Variants in SYCP2L observed in about 807,000 individuals in gnomAD.
The protein encoded by SYCP2L is synaptonemal complex protein 2-like.
In SYCP2L, 98 loss-of-function variants were observed where a neutral mutation model predicts 125.8. That is an observed-to-expected ratio of 0.78 (90% confidence interval 0.66 to 0.92). SYCP2L has a LOEUF of 0.92. Ranked by LOEUF, SYCP2L falls within the 40% of genes least tolerant of loss-of-function variation. The pLI is 0.00. For synonymous variants in SYCP2L, 317 were observed against 325.4 expected (o/e 0.97, Z 0.28); for missense variants, 842 against 936.4 (o/e 0.90, Z 1.32).
In SYCP2L at chr6:10,927,338, G is replaced by A. The variant is rs748393779; in HGVS notation, c.1411G>A (p.Val471Ile). ...LHLNDQSEPP[V>I]IGEPASDSHL... ...CTTAAATGACCAATCTGAGCCACCT[G>A]TTATTGGGGAACCTGCCTCTGATAG... Residue 471 changes from valine to isoleucine, a missense_variant, in exon 17 of 30, where the codon GTT becomes ATT. Physicochemically the swap from Val to Ile is conservative, Grantham distance 29. Coordinates refer to ENST00000283141, the MANE Select transcript of SYCP2L (RefSeq NM_001040274.3). 40 of 1,613,804 alleles carry A rather than the reference G, an allele frequency of 2.5e-5. No individual in the cohort carries two copies. The highest frequency in any genetic ancestry group is 8.3e-5 in the Admixed American group (5 of 60,004).
At chr6:10,972,298 T>TA (rs1207783889) in intron 29 of SYCP2L, among the ~76,000 whole-genome samples, 1 of 152,070 alleles carries the variant, frequency 6.6e-6, no homozygotes, top group Non-Finnish European at 1.5e-5. Flanking sequence ...AAGAGGATAT[T>TA]AAAAAAAGAC....
chr6:10,966,524 C>T (rs1781680516), intron 29 of SYCP2L, among the ~76,000 whole-genome samples: 1 of 152,088 alleles, frequency 6.6e-6, no homozygotes, highest in Admixed American at 6.5e-5. Flanking sequence ...TCCATTCTGC[C>T]TAAATTAGTA....
rs962320205 is a variant in SYCP2L at position 10,904,970 on chromosome 6, C to T, written c.642-1050C>T. 2.5e-4 allele frequency among the ~76,000 whole-genome samples: 38 copies of T among 151,420 alleles called. 1 individual carries two copies. The highest frequency in any genetic ancestry group is 4.7e-4 in the Non-Finnish European group (32 of 67,884). On this transcript the variant is annotated intron_variant, in intron 8 of 29. Coordinates refer to ENST00000283141, the MANE Select transcript of SYCP2L (RefSeq NM_001040274.3). Reference sequence around the variant, plus strand: ...CAGCCTGACCAACATGGTGAAGCCCCGTCTCTCTTAAAAATACAAAACATT... The same window carrying T: ...CAGCCTGACCAACATGGTGAAGCCCTGTCTCTCTTAAAAATACAAAACATT...
chr6:10,943,620 C>G (rs973407501), intron 23 of SYCP2L, among the ~76,000 whole-genome samples: 2 of 152,144 alleles, frequency 1.3e-5, no homozygotes, highest in African/African-American at 4.8e-5. Flanking sequence ...TAGAAAATTG[C>G]CATTGGCTTA....
intron 28 of SYCP2L, among the ~76,000 whole-genome samples, chr6:10,962,302 C>CT (rs1467945422): frequency 3.5e-5 from 5 of 142,962 alleles, no homozygotes; most frequent in African/African-American, 1.3e-4. Flanking sequence ...GCATATATTC[C>CT]AAAGCAAAAA....
rs1165552749 is a variant in SYCP2L at position 10,955,163 on chromosome 6, G to C, written c.2002G>C (p.Glu668Gln). The C allele has an allele frequency of 1.9e-6, 3 of 1,613,704 alleles. No individual in the cohort carries two copies. The highest frequency in any genetic ancestry group is 2.5e-6 in the Non-Finnish European group (3 of 1,179,582). ...FAKSQQSRLEEEVAPGSPFSI... is the reference protein window; with the variant it reads ...FAKSQQSRLEQEVAPGSPFSI... ...TAAGTCACAACAATCAAGATTGGAA[G>C]AAGAGGTTGCTCCGGGATCCCCTTT... The change falls in exon 24 of 30, where the codon GAA (glutamate) becomes CAA (glutamine). Residue 668 changes from glutamate to glutamine, a missense_variant. Physicochemically the swap from Glu to Gln is conservative, Grantham distance 29. Coordinates refer to ENST00000283141, the MANE Select transcript of SYCP2L (RefSeq NM_001040274.3).
intron 5 of SYCP2L, among the ~76,000 whole-genome samples, chr6:10,898,492 G>C (rs1015417784): frequency 1.3e-5 from 2 of 152,148 alleles, no homozygotes; most frequent in Admixed American, 1.3e-4. Flanking sequence ...TTCAGCCTGG[G>C]AAACAAGAGT....
intron 6 of SYCP2L, among the ~76,000 whole-genome samples, chr6:10,900,489 A>T (rs1050373999): frequency 1.3e-5 from 2 of 151,876 alleles, no homozygotes; most frequent in South Asian, 4.2e-4. Context: ...GGTAGCTAGC[A>T]TTACAAGCGT....
At chr6:10,944,225 A>G (rs779346958) in intron 23 of SYCP2L, among the ~76,000 whole-genome samples, 2 of 152,332 alleles carry the variant, frequency 1.3e-5, no homozygotes, top group East Asian at 1.9e-4. Flanking sequence ...AATTTCTGAT[A>G]TATGTGTGTG....
Position 10,887,148 on chromosome 6 carries a change from C to T in SYCP2L, c.9+13C>T. 6.2e-7 allele frequency: 1 copy of T among 1,614,056 alleles called. No homozygotes were observed. The highest frequency in any genetic ancestry group is 1.1e-5 in the South Asian group (1 of 91,080). ...CGTTATGCAAGCGGTGAGTGACCCC[C>T]GAAGGGCCCGGACCTTCTGTCCACA... On this transcript the variant is annotated intron_variant, in intron 1 of 29. Coordinates refer to ENST00000283141, the MANE Select transcript of SYCP2L (RefSeq NM_001040274.3).
At chr6:10,931,634 C>G in intron 20 of SYCP2L, 145 bp downstream of exon 20, 1 of 808,092 alleles carries the variant, frequency 1.2e-6, no homozygotes, top group East Asian at 2.7e-5. Flanking sequence ...TCAAGGTCTT[C>G]TAAATGTTTA....
chr6:10,966,562 G>GC (rs1424762494), intron 29 of SYCP2L, among the ~76,000 whole-genome samples: 2 of 152,150 alleles, frequency 1.3e-5, no homozygotes, highest in African/African-American at 2.4e-5. Context: ...CAAAGCCCCA[G>GC]CAGGGTTATT....
intron 15 of SYCP2L, 59 bp downstream of exon 15, chr6:10,924,700 T>C: frequency 1.5e-6 from 2 of 1,359,230 alleles, no homozygotes; most frequent in Non-Finnish European, 1.9e-6. Context: ...TCATGTCTAT[T>C]AAATGTCCTT....
intron 8 of SYCP2L, 99 bp downstream of exon 8, chr6:10,903,062 T>G: frequency 1.0e-6 from 1 of 959,730 alleles, no homozygotes; most frequent in Non-Finnish European, 1.6e-6. Flanking sequence ...ATTATGTCCT[T>G]TCTCTCTTGG....
At chr6:10,887,439 C>G (rs1780093417) in intron 1 of SYCP2L, among the ~76,000 whole-genome samples, 1 of 152,168 alleles carries the variant, frequency 6.6e-6, no homozygotes, top group Admixed American at 6.5e-5. Flanking sequence ...TTTTCCTAGC[C>G]GGTTTTCCAG....
At chr6:10,889,707 G>A (rs1457899795) in intron 1 of SYCP2L, among the ~76,000 whole-genome samples, 3 of 141,728 alleles carry the variant, frequency 2.1e-5, no homozygotes, top group Non-Finnish European at 4.5e-5. Context: ...TGCAACCTCC[G>A]CGTCCCGGGT....
At chr6:10,891,433 TTTTTTGC>T in intron 1 of SYCP2L, 73 bp from the exon 2 acceptor site, 2 of 872,096 alleles carry the variant, frequency 2.3e-6, no homozygotes, top group Non-Finnish European at 1.7e-6. Context: ...TTTTTTTTTT[TTTTTTGC>T]TTTGTGTTTA....
intron 8 of SYCP2L, among the ~76,000 whole-genome samples, chr6:10,903,647 AG>A (rs2113303587): frequency 6.6e-6 from 1 of 152,212 alleles, no homozygotes; most frequent in African/African-American, 2.4e-5. Context: ...GCTATTCAGG[AG>A]GTTGAGGCAG....
intron 15 of SYCP2L, 62 bp downstream of exon 15, chr6:10,924,703 A>G (rs1780867782): frequency 1.5e-6 from 2 of 1,354,630 alleles, no homozygotes; most frequent in African/African-American, 1.5e-5. Flanking sequence ...TGTCTATTAA[A>G]TGTCCTTGTT....
Sources: allele counts gnomAD v4.1 joint callset (sites outside exome capture counted in the v4.1 genomes callset), GRCh38; gene constraint gnomAD v4.1.1; transcripts MANE v1.5; gene names NCBI Gene and HGNC (gene_info 2026-07-23, HGNC 2026-07-21).